The following CNDP1 variants were observed in gnomAD, a reference collection of about 807,000 sequenced individuals.
CNDP1 encodes carnosine dipeptidase 1.
Under a neutral mutation model 58.1 loss-of-function variants are expected in CNDP1, and 44 were observed. The ratio of observed to expected loss-of-function variants is 0.76; its 90% CI spans 0.60 to 0.97. The LOEUF (loss-of-function observed/expected upper bound fraction) is 0.97, where lower values mean the gene tolerates loss of function less well. CNDP1 is among the 50% of genes least tolerant of loss of function. The pLI is 0.00. For missense variants in CNDP1, 616 were observed against 655.1 expected (o/e 0.94, Z 0.65); for synonymous variants, 254 against 252.6 (o/e 1.01, Z -0.05).
At chr18:74,576,649 T>C (rs1197957733) in intron 7 of CNDP1, 3 of 434,384 alleles carry the variant, frequency 6.9e-6, no homozygotes, top group Non-Finnish European at 1.2e-5. Context: ...AGGTGAACAC[T>C]AAAGCAGGGC....
intron 1 of CNDP1, among the ~76,000 whole-genome samples, chr18:74,544,938 G>A (rs1246305428): frequency 6.6e-6 from 1 of 152,084 alleles, no homozygotes; most frequent in Non-Finnish European, 1.5e-5. Flanking sequence ...CTCCTAAGAT[G>A]AGAGTACACA....
chr18:74,538,921 A>C (rs1057278720), intron 1 of CNDP1, among the ~76,000 whole-genome samples: 1 of 152,160 alleles, frequency 6.6e-6, no homozygotes, highest in Non-Finnish European at 1.5e-5. Context: ...GAGTATAAAA[A>C]GTCTCCCTAG....
rs1479653091 is a variant in CNDP1 at position 74,586,426 on chromosome 18, CAGTA to C, written c.*1867_*1870del. ...ATTTGGCACTGTAGATAAGGACTAA[CAGTA>C]AGAGAGATTTAGAGTCTTCATGTTA... On this transcript the variant is annotated 3_prime_UTR_variant, in exon 12 of 12. Coordinates refer to ENST00000358821, the MANE Select transcript of CNDP1 (RefSeq NM_032649.6). The C allele has an allele frequency of 6.6e-6, 1 of 152,178 alleles. No homozygotes were observed. The highest frequency in any genetic ancestry group is 2.4e-5 in the African/African-American group (1 of 41,436). 9.4% of individuals were successfully genotyped at this position (152,178 alleles called of 1,614,324 possible).
intron 1 of CNDP1, among the ~76,000 whole-genome samples, chr18:74,554,003 G>A (rs1205606031): frequency 6.6e-6 from 1 of 152,172 alleles, no homozygotes; most frequent in African/African-American, 2.4e-5. Context: ...GCCACTGTGA[G>A]GCTCCCAGTC....
rs1981681441 is a variant in CNDP1, at chr18:74,578,195, A to T, written c.1035A>T (p.Pro345=). The T allele has an allele frequency of 6.2e-7, 1 of 1,613,628 alleles. No homozygotes were observed. Among genetic ancestry groups the T allele is most frequent in the Non-Finnish European group, 8.5e-7 (1 of 1,179,820 alleles). ...EEILMHLWRY[P]SLSIHGIEGA... ...TTCTAATGCACCTCTGGAGGTACCC[A>T]TCTCTTTCTATTCATGGGATCGAGG... The change falls in exon 9 of 12, where the codon CCA becomes CCT. Residue 345 remains proline, a synonymous_variant. Coordinates refer to ENST00000358821, the MANE Select transcript of CNDP1 (RefSeq NM_032649.6).
At chr18:74,558,426 G>C (rs1357561667) in intron 2 of CNDP1, among the ~76,000 whole-genome samples, 13 of 116,070 alleles carry the variant, frequency 1.1e-4, no homozygotes, top group Admixed American at 5.7e-4. Flanking sequence ...ATGGAGTCTT[G>C]CTCTGTCACC....
rs1489751935 is a variant in CNDP1 at position 74,586,967 on chromosome 18, T to C, written c.*2405T>C. 1 of 152,194 alleles carries C rather than the reference T, an allele frequency of 6.6e-6. No individual in the cohort carries two copies. The highest frequency in any genetic ancestry group is 1.5e-5 in the Non-Finnish European group (1 of 68,028). 9.4% of individuals were successfully genotyped at this position (152,194 alleles called of 1,614,324 possible). On this transcript the variant is annotated 3_prime_UTR_variant, in exon 12 of 12. Coordinates refer to ENST00000358821, the MANE Select transcript of CNDP1 (RefSeq NM_032649.6). ...TGAAATATATGCACTTGGACAAAAA[T>C]GATCACCCAGTAAAGTTGGGCGTAC...
In CNDP1 at chr18:74,551,639, A is replaced by G. The variant is rs150536051; in HGVS notation, c.25-4699A>G. Among the ~76,000 whole-genome samples, 1,381 of 152,276 alleles carry G rather than the reference A, an allele frequency of 9.1e-3. 21 individuals are homozygous for G. Among genetic ancestry groups the G allele is most frequent in the African/African-American group, 0.031 (1,285 of 41,552 alleles). On this transcript the variant is annotated intron_variant, in intron 1 of 11. Transcript: ENST00000358821. ...CTGCTGTCAGGGCCACTGTCAGGTCAGGGCATCAGGTCAGTCTTTTATTCG... is the reference window on the plus strand; with the variant it reads ...CTGCTGTCAGGGCCACTGTCAGGTCGGGGCATCAGGTCAGTCTTTTATTCG...
intron 1 of CNDP1, among the ~76,000 whole-genome samples, chr18:74,555,495 C>T (rs1981014519): frequency 6.6e-6 from 1 of 152,190 alleles, no homozygotes; most frequent in Non-Finnish European, 1.5e-5. Context: ...CTGGCAGCTC[C>T]CACTCCAGAC....
In CNDP1 at chr18:74,562,127, C is replaced by T. The variant is rs769181262; in HGVS notation, c.547C>T (p.Leu183=). 3.1e-6 allele frequency: 5 copies of T among 1,613,938 alleles called. No homozygotes were observed. The highest frequency in any genetic ancestry group is 4.2e-6 in the Non-Finnish European group (5 of 1,179,824). ...CAATGCTGTGAGCGCCTTCAGAGCC[C>T]TGGAGCAAGTAGGTGGCAGCTGTGT... ...WINAVSAFRA[L]EQDLPVNIKF... Residue 183 remains leucine, a synonymous_variant, in exon 5 of 12, where the codon CTG becomes TTG. Coordinates refer to ENST00000358821, the MANE Select transcript of CNDP1 (RefSeq NM_032649.6).
rs1717972200 is a variant in CNDP1 at position 74,585,300 on chromosome 18, C to T, written c.*738C>T. On this transcript the variant is annotated 3_prime_UTR_variant, in exon 12 of 12. Transcript: ENST00000358821. Reference sequence around the variant, plus strand: ...CCTGTCCCATCAGAAAAGGCCCACTCTCTCTCTATCCAACATCTGTGCACA... The same window carrying T: ...CCTGTCCCATCAGAAAAGGCCCACTTTCTCTCTATCCAACATCTGTGCACA... 6.6e-6 allele frequency: 1 copy of T among 152,212 alleles called. No homozygotes were observed. The highest frequency in any genetic ancestry group is 6.5e-5 in the Admixed American group (1 of 15,280). 9.4% of individuals were successfully genotyped at this position (152,212 alleles called of 1,614,324 possible).
rs144205585 is a variant in CNDP1 at position 74,556,464 on chromosome 18, C to T, written c.151C>T (p.Gln51Ter). ...YIDLHQDEFV[Q>*]TLKEWVAIES... ...TGACCTCCATCAGGATGAATTTGTG[C>T]AGGTAGGAGAAAGAAACTACACAAC... Residue 51 changes from glutamine (Q) to a stop codon, truncating the protein, a stop_gained and splice_region_variant, in exon 2 of 12, where the codon CAG becomes TAG. Transcript: ENST00000358821. LOFTEE classifies it high-confidence loss of function. The T allele has an allele frequency of 1.9e-6, 3 of 1,613,982 alleles. No individual in the cohort carries two copies. The highest frequency in any genetic ancestry group is 1.7e-5 in the Admixed American group (1 of 59,998).
chr18:74,564,757 G>A (rs75833237), intron 5 of CNDP1, among the ~76,000 whole-genome samples: 13,995 of 152,072 alleles, frequency 0.092, 871 homozygotes, highest in African/African-American at 0.18. Context: ...CATGTTGGAG[G>A]GCACACACCG....
At chr18:74,553,688 G>A (rs138503437) in intron 1 of CNDP1, among the ~76,000 whole-genome samples, 4 of 152,184 alleles carry the variant, frequency 2.6e-5, no homozygotes, top group East Asian at 1.9e-4. Flanking sequence ...ATTTCCTCTC[G>A]ATTATTATCC....
At chr18:74,580,029 T>C (rs972884631) in intron 9 of CNDP1, 101 bp from the exon 10 acceptor site, 2 of 1,005,710 alleles carry the variant, frequency 2.0e-6, no homozygotes, top group Non-Finnish European at 3.0e-6. Context: ...TGGAAGAGGC[T>C]ATATTAACTG....
At chr18:74,568,379 C>T (rs1015083010) in intron 6 of CNDP1, among the ~76,000 whole-genome samples, 1 of 152,172 alleles carries the variant, frequency 6.6e-6, no homozygotes, top group African/African-American at 2.4e-5. Flanking sequence ...TAGTGAGACA[C>T]AGATACTAAA....
intron 1 of CNDP1, among the ~76,000 whole-genome samples, chr18:74,544,423 T>C (rs1411784366): frequency 6.6e-6 from 1 of 152,032 alleles, no homozygotes; most frequent in Non-Finnish European, 1.5e-5. Flanking sequence ...GAATGTTATA[T>C]AGTGATAAGA....
rs141249677 is a variant in CNDP1 at position 74,581,369 on chromosome 18, A to C, written c.1309+1098A>C. Among the ~76,000 whole-genome samples the C allele has an allele frequency of 9.2e-5, 14 of 152,106 alleles. No individual in the cohort carries two copies. In the East Asian group the frequency reaches 2.7e-3, roughly 29 times the overall value. On this transcript the variant is annotated intron_variant, in intron 10 of 11. Coordinates refer to ENST00000358821, the MANE Select transcript of CNDP1 (RefSeq NM_032649.6). ...TGGGTTTGGGTGTTTAATTTTACCT[A>C]GTGTGTGGTCTGGTTCTCACTAGTG...
intron 2 of CNDP1, among the ~76,000 whole-genome samples, chr18:74,556,672 C>T (rs1426115596): frequency 1.3e-5 from 2 of 152,166 alleles, no homozygotes; most frequent in Non-Finnish European, 2.9e-5. Flanking sequence ...CTGTAAAGGG[C>T]ACTGGGTCTT....
Sources: allele counts gnomAD v4.1 joint callset (sites outside exome capture counted in the v4.1 genomes callset), GRCh38; gene constraint gnomAD v4.1.1; transcripts MANE v1.5; gene names NCBI Gene and HGNC (gene_info 2026-07-23, HGNC 2026-07-21).